The following MATN2 variants were observed in gnomAD, a reference collection of about 807,000 sequenced individuals.
The protein encoded by MATN2 is matrilin 2, also known as matrilin-2.
MATN2 carries 69 observed loss-of-function variants against 103.2 expected under a neutral mutation model. The ratio of observed to expected loss-of-function variants is 0.67; its 90% CI spans 0.55 to 0.82. The LOEUF is 0.82. Among genes scored for constraint, MATN2 ranks in the 40% least tolerant of loss-of-function variants. The pLI is 0.00. For synonymous variants in MATN2, 429 were observed against 450.2 expected (o/e 0.95, Z 0.60); for missense variants, 1,023 against 1,211.5 (o/e 0.84, Z 2.31).
chr8:97,984,977 A>G (rs994363840), intron 6 of MATN2, among the ~76,000 whole-genome samples: 2 of 152,242 alleles, frequency 1.3e-5, no homozygotes, highest in African/African-American at 4.8e-5. Context: ...ATGAAATTCT[A>G]TGAAATAAAA....
chr8:97,967,023 G>C (rs1358432681), intron 5 of MATN2, among the ~76,000 whole-genome samples: 1 of 152,204 alleles, frequency 6.6e-6, no homozygotes, highest in Non-Finnish European at 1.5e-5. Flanking sequence ...GGCGGAGCAG[G>C]CATGTCACAT....
chr8:98,015,749 G>A (rs1461837572), intron 10 of MATN2, among the ~76,000 whole-genome samples: 1 of 152,028 alleles, frequency 6.6e-6, no homozygotes, highest in Non-Finnish European at 1.5e-5. Flanking sequence ...TGTTTTCCAC[G>A]CATCCCTCTT....
intron 7 of MATN2, among the ~76,000 whole-genome samples, chr8:97,998,165 T>G (rs181861692): frequency 6.6e-6 from 1 of 151,720 alleles, no homozygotes; most frequent in African/African-American, 2.4e-5. Flanking sequence ...TGCTGGGTGA[T>G]AACCTCTTTA....
intron 3 of MATN2, among the ~76,000 whole-genome samples, chr8:97,941,556 T>C (rs547760256): frequency 6.6e-6 from 1 of 152,308 alleles, no homozygotes; most frequent in South Asian, 2.1e-4. Flanking sequence ...CAATTTCATA[T>C]AGTTCAGCCT....
At chr8:97,900,883 C>T (rs1322127223) in intron 2 of MATN2, among the ~76,000 whole-genome samples, 1 of 152,012 alleles carries the variant, frequency 6.6e-6, no homozygotes, top group African/African-American at 2.4e-5. Context: ...TGCAGTGAGC[C>T]GAGATAGCGC....
intron 5 of MATN2, among the ~76,000 whole-genome samples, chr8:97,973,522 T>TA (rs1458747968): frequency 6.6e-6 from 1 of 152,036 alleles, no homozygotes; most frequent in African/African-American, 2.4e-5. Flanking sequence ...TTTATGCTTT[T>TA]AAAAAATGCT....
At chr8:97,892,201 C>T (rs574215454) in intron 2 of MATN2, among the ~76,000 whole-genome samples, 83 of 150,108 alleles carry the variant, frequency 5.5e-4, no homozygotes, top group Non-Finnish European at 1.0e-3. Context: ...CACACCACTG[C>T]ACTTCAGCCT....
chr8:97,984,192 T>C (rs549053981), intron 6 of MATN2, among the ~76,000 whole-genome samples: 1 of 152,322 alleles, frequency 6.6e-6, no homozygotes, highest in African/African-American at 2.4e-5. Context: ...CAACCTGCAT[T>C]TGAATACCCC....
chr8:98,033,071 G>A lies in MATN2; in HGVS notation c.2611G>A (p.Asp871Asn). ...TGAGCCAGTCACCATAAATATCCAA[G>A]ACCTACTTTCCTGTTCTAATTTTGC... ...ESEPVTINIQ[D>N]LLSCSNFAVQ... Residue 871 changes from aspartate to asparagine, a missense_variant, in exon 17 of 19, where the codon GAC becomes AAC. Coordinates refer to ENST00000254898, the MANE Select transcript of MATN2 (RefSeq NM_002380.5). 1 of 1,611,716 alleles carries A rather than the reference G, an allele frequency of 6.2e-7. No homozygotes were observed. The highest frequency in any genetic ancestry group is 8.5e-7 in the Non-Finnish European group (1 of 1,179,074).
chr8:97,936,556 C>A (rs1438680533), intron 3 of MATN2, among the ~76,000 whole-genome samples: 1 of 152,128 alleles, frequency 6.6e-6, no homozygotes, highest in Non-Finnish European at 1.5e-5. Flanking sequence ...CTACACTGAC[C>A]ACTCCTTTAG....
chr8:98,034,187 T>TATTG, intron 18 of MATN2: 1 of 455,972 alleles, frequency 2.2e-6, no homozygotes, highest in Non-Finnish European at 4.4e-6. Context: ...AGATCTTCTC[T>TATTG]ATCGGCACTC....
rs539679870 is a variant in MATN2, at chr8:97,931,839, A to T, written c.712+317A>T. Among the ~76,000 whole-genome samples the T allele has an allele frequency of 8.1e-4, 124 of 152,246 alleles. No individual in the cohort carries two copies. The highest frequency in any genetic ancestry group is 2.7e-3 in the African/African-American group (113 of 41,548). ...TGCCTTAGCCTCATGAGTAGCTGGGACTACAGGTGTGCACCACCATGCCTG... is the reference window on the plus strand; with the variant it reads ...TGCCTTAGCCTCATGAGTAGCTGGGTCTACAGGTGTGCACCACCATGCCTG... On this transcript the variant is annotated intron_variant, in intron 3 of 18. Coordinates refer to ENST00000254898, the MANE Select transcript of MATN2 (RefSeq NM_002380.5). The surrounding 1 kb of genome is among the most constrained non-coding windows in gnomAD (Gnocchi z 4.1).
chr8:97,938,704 A>G lies in MATN2; in HGVS notation c.713-3073A>G, dbSNP rs72677062. On this transcript the variant is annotated intron_variant, in intron 3 of 18. Coordinates refer to ENST00000254898, the MANE Select transcript of MATN2 (RefSeq NM_002380.5). ...CTAGTTTTCATTATTCACAATAATTATGTTTTATAAAGTCACTGCAAACAC... is the reference window on the plus strand; with the variant it reads ...CTAGTTTTCATTATTCACAATAATTGTGTTTTATAAAGTCACTGCAAACAC... 1.8e-3 allele frequency among the ~76,000 whole-genome samples: 279 copies of G among 152,292 alleles called. 2 individuals carry two copies. The highest frequency in any genetic ancestry group is 0.014 in the Middle Eastern group (4 of 294).
rs182447261 is a variant in MATN2 at position 98,002,515 on chromosome 8, A to G, written c.1205-1146A>G. ...AAGCTCTCTACATGCTTTGAGCCCAAGTGATCAGGTTAACCTGAGAGAGAT... is the reference window on the plus strand; with the variant it reads ...AAGCTCTCTACATGCTTTGAGCCCAGGTGATCAGGTTAACCTGAGAGAGAT... On this transcript the variant is annotated intron_variant, in intron 7 of 18. Coordinates refer to ENST00000254898, the MANE Select transcript of MATN2 (RefSeq NM_002380.5). 3.9e-3 allele frequency among the ~76,000 whole-genome samples: 592 copies of G among 152,320 alleles called. 1 individual carries two copies. Among genetic ancestry groups the G allele is most frequent in the Non-Finnish European group, 7.2e-3 (492 of 68,024 alleles).
chr8:97,937,296 G>T (rs1329049483), intron 3 of MATN2, among the ~76,000 whole-genome samples: 2 of 152,106 alleles, frequency 1.3e-5, no homozygotes, highest in Non-Finnish European at 2.9e-5. Context: ...TAAATAATAG[G>T]TGTCTGTACT....
chr8:98,007,401 G>A lies in MATN2; in HGVS notation c.1451-78G>A, dbSNP rs1813010440. 1 of 1,573,348 alleles carries A rather than the reference G, an allele frequency of 6.4e-7. No individual in the cohort carries two copies. The highest frequency in any genetic ancestry group is 8.7e-7 in the Non-Finnish European group (1 of 1,151,540). On this transcript the variant is annotated intron_variant, in intron 9 of 18. Transcript: ENST00000254898. The surrounding 1 kb of genome is among the most constrained non-coding windows in gnomAD (Gnocchi z 4.2). ...ATGCCTTCGAGGGAGGGCGGGGTGA[G>A]CATGACGGTCACTTGATCCAATCAC... is the stretch of plus-strand genomic sequence containing the variant.
intron 2 of MATN2, among the ~76,000 whole-genome samples, chr8:97,919,042 T>C (rs949749259): frequency 2.0e-5 from 3 of 152,158 alleles, no homozygotes; most frequent in East Asian, 3.9e-4. Flanking sequence ...GGCTGTATGA[T>C]TGCCATATTT....
rs549715259 is a variant in MATN2 at position 97,975,990 on chromosome 8, T to C, written c.959-2896T>C. The stretch of plus-strand genomic sequence containing the variant: ...ACTCAACTCTAGCAACCAGCTGATA[T>C]CCAATGACGTTGAGATCCTGAGATG... On this transcript the variant is annotated intron_variant, in intron 5 of 18. Coordinates refer to ENST00000254898, the MANE Select transcript of MATN2 (RefSeq NM_002380.5). 4.9e-4 allele frequency among the ~76,000 whole-genome samples: 74 copies of C among 152,318 alleles called. 1 individual carries two copies. In the South Asian group the frequency reaches 0.015, roughly 30 times the overall value.
At chr8:97,997,375 C>CT (rs1249484279) in intron 7 of MATN2, among the ~76,000 whole-genome samples, 1 of 152,230 alleles carries the variant, frequency 6.6e-6, no homozygotes, top group Non-Finnish European at 1.5e-5. Flanking sequence ...GACTTCCTGC[C>CT]TTAACACCCT....
Sources: gnomAD v4.1 joint callset for allele counts (sites outside exome capture counted in the v4.1 genomes callset) on GRCh38, gnomAD v4.1.1 for gene constraint, Gnocchi (gnomAD v3.1) non-coding constraint, MANE v1.5 for transcripts, NCBI Gene and HGNC (gene_info 2026-07-23, HGNC 2026-07-21) for gene names.